RPRD2: variants seen among roughly 807,000 people sequenced by gnomAD.
The protein encoded by RPRD2 is regulation of nuclear pre-mRNA domain containing 2.
In RPRD2, 12 loss-of-function variants were observed where a neutral mutation model predicts 104.4. The ratio of observed to expected loss-of-function variants is 0.11; its 90% confidence interval spans 0.07 to 0.19. RPRD2 has a LOEUF of 0.19. Among genes scored for constraint, RPRD2 ranks in the 10% least tolerant of loss-of-function variants. The pLI, the probability that RPRD2 is intolerant of heterozygous loss-of-function variation, is 1.00. For synonymous variants in RPRD2, 714 were observed against 684.9 expected (o/e 1.04, Z -0.66); for missense variants, 1,543 against 1,790.1 (o/e 0.86, Z 2.49).
In RPRD2 at chr1:150,470,642, C is replaced by T. The variant is rs767748023; in HGVS notation, c.1694C>T (p.Pro565Leu). ...GCCTCACAGAGCACTTCAGCCTCCC[C>T]TGCCAACACCACAGTCTCTACCATA... ...EAASQSTSAS[P>L]ANTTVSTIKG... The change falls in exon 11 of 11, where the codon CCT (proline) becomes CTT (leucine). Residue 565 changes from proline (P) to leucine (L), a missense_variant. Around this residue, in one of 4 missense-constraint regions of RPRD2, gnomAD observed 572 missense variants for 787.3 expected, o/e 0.73. Transcript: ENST00000369068. 1 of 1,614,026 alleles carries T rather than the reference C, an allele frequency of 6.2e-7. No homozygotes were observed. Among genetic ancestry groups the T allele is most frequent in the East Asian group, 2.2e-5 (1 of 44,890 alleles).
At chr1:150,402,736 G>C (rs1451033274) in intron 1 of RPRD2, among the ~76,000 whole-genome samples, 4 of 152,126 alleles carry the variant, frequency 2.6e-5, no homozygotes, top group African/African-American at 9.7e-5. Context: ...GGAGGCCGAG[G>C]TGGGCAGATC....
At chr1:150,382,035 A>C (rs1180001130) in intron 1 of RPRD2, among the ~76,000 whole-genome samples, 1 of 152,210 alleles carries the variant, frequency 6.6e-6, no homozygotes, top group Admixed American at 6.5e-5. Flanking sequence ...ACTACCTGAC[A>C]TTTAGAAAAT....
At position 150,471,491 on chromosome 1, in the gene RPRD2, A is replaced by C. The variant is rs1201659862; in HGVS notation, c.2543A>C (p.Asn848Thr). 2 of 1,613,718 alleles carry C rather than the reference A, an allele frequency of 1.2e-6. No homozygotes were observed. The highest frequency in any genetic ancestry group is 1.3e-5 in the African/African-American group (1 of 74,868). The change falls in exon 11 of 11, where the codon AAC becomes ACC. Residue 848 changes from asparagine to threonine, a missense_variant. This residue lies in a region of RPRD2 where 880 missense variants were observed against 885.6 expected (regional missense o/e 0.99). Transcript: ENST00000369068. The surrounding 1 kb of genome is among the most constrained non-coding windows in gnomAD (Gnocchi z 5.3). ...GGGCCTCCACCCTCTGCCATGATGAACCTAGAGAAGAAACCAGCCAAATCT... is the reference window on the plus strand; with the variant it reads ...GGGCCTCCACCCTCTGCCATGATGACCCTAGAGAAGAAACCAGCCAAATCT... Reference protein sequence around the residue: ...YSGPPPSAMMNLEKKPAKSIL... With the variant: ...YSGPPPSAMMTLEKKPAKSIL...
At chr1:150,432,360 A>C (rs1665661546) in intron 2 of RPRD2, among the ~76,000 whole-genome samples, 1 of 152,070 alleles carries the variant, frequency 6.6e-6, no homozygotes. Flanking sequence ...AAAAAGAGAT[A>C]AGGGGGAGTT....
intron 9 of RPRD2, among the ~76,000 whole-genome samples, chr1:150,461,399 C>G (rs1553898800): frequency 6.6e-6 from 1 of 152,126 alleles, no homozygotes; most frequent in Non-Finnish European, 1.5e-5. Flanking sequence ...TATACTGTTT[C>G]AAAACTAGCT....
chr1:150,470,470 A>T, intron 10 of RPRD2, 91 bp from the exon 11 acceptor site: 1 of 1,350,686 alleles, frequency 7.4e-7, no homozygotes, highest in Non-Finnish European at 1.0e-6. Flanking sequence ...GTTCCCACCA[A>T]AATGAATGAG....
intron 1 of RPRD2, among the ~76,000 whole-genome samples, chr1:150,384,683 T>TGTGTGTGTG (rs1560155301): frequency 4.4e-3 from 518 of 117,974 alleles, no homozygotes; most frequent in East Asian, 5.3e-3. Flanking sequence ...GTGTGTGTGT[T>TGTGTGTGTG]TTTAGTAGAG....
chr1:150,378,501 G>A (rs1454491277), intron 1 of RPRD2, among the ~76,000 whole-genome samples: 3 of 152,108 alleles, frequency 2.0e-5, no homozygotes, highest in South Asian at 2.1e-4. Flanking sequence ...TCCATGGACA[G>A]TGTGGTATAT....
intron 1 of RPRD2, among the ~76,000 whole-genome samples, chr1:150,413,209 T>G (rs1344593473): frequency 6.6e-6 from 1 of 152,044 alleles, no homozygotes; most frequent in Non-Finnish European, 1.5e-5. Context: ...GTTTGGAGAT[T>G]TATTAATAGG....
rs1416765118 is a variant in RPRD2 at position 150,364,649 on chromosome 1, C to T, written c.-66C>T. On this transcript the variant is annotated 5_prime_UTR_variant, in exon 1 of 11. Coordinates refer to ENST00000369068, the MANE Select transcript of RPRD2 (RefSeq NM_015203.5). ...TCACGCACTCGCAGTGATTGTTTTG[C>T]CCGCTCCCGCCGCCGCCGCCGCCGC... 7.1e-6 allele frequency: 6 copies of T among 839,774 alleles called. No individual in the cohort carries two copies. Among genetic ancestry groups the T allele is most frequent in the Non-Finnish European group, 1.1e-5 (6 of 538,220 alleles). 52.0% of individuals were successfully genotyped at this position (839,774 alleles called of 1,614,324 possible). A position where few individuals can be genotyped will look rare whatever the true frequency, so the allele number is the denominator to read the frequency against.
At chr1:150,457,212 A>T in intron 7 of RPRD2, 76 bp from the exon 8 acceptor site, 1 of 1,414,134 alleles carries the variant, frequency 7.1e-7, no homozygotes, top group Non-Finnish European at 9.6e-7. Flanking sequence ...TGACAAAGTG[A>T]GACTCTGCCT....
In RPRD2 at chr1:150,397,023, G is replaced by T. The variant is rs1560167435; in HGVS notation, c.206-20573G>T. 2.0e-5 allele frequency among the ~76,000 whole-genome samples: 3 copies of T among 151,870 alleles called. No homozygotes were observed. The South Asian group carries it at 6.3e-4, about 32-fold the overall frequency. ...GAGTCTTGCTCTGTCGCCCAGGCTG[G>T]AGTGCAGTGGCATGATCTCAGTTCA... On this transcript the variant is annotated intron_variant, in intron 1 of 10. Coordinates refer to ENST00000369068, the MANE Select transcript of RPRD2 (RefSeq NM_015203.5).
chr1:150,461,395 G>A (rs1164558880), intron 9 of RPRD2, among the ~76,000 whole-genome samples: 2 of 152,178 alleles, frequency 1.3e-5, no homozygotes, highest in Non-Finnish European at 2.9e-5. Flanking sequence ...TGCATATACT[G>A]TTTCAAAACT....
chr1:150,474,353 GTCTTTA>G lies in RPRD2; in HGVS notation c.*1024_*1029del, dbSNP rs1668784182. On this transcript the variant is annotated 3_prime_UTR_variant, in exon 11 of 11. Transcript: ENST00000369068. ...TTAACTATTAAAGAAAGAAATATTT[GTCTTTA>G]TCTTCCTTTTCCCCTTGCCTCAGTC... 1 of 152,100 alleles carries G rather than the reference GTCTTTA, an allele frequency of 6.6e-6. No individual in the cohort carries two copies. Among genetic ancestry groups the G allele is most frequent in the Admixed American group, 6.6e-5 (1 of 15,262 alleles). The allele number at this position is 152,100 out of a possible 1,614,324, so 9.4% of individuals were successfully genotyped here. A position where few individuals can be genotyped will look rare whatever the true frequency, so the allele number is the denominator to read the frequency against.
rs1668644924 is a variant in RPRD2, at chr1:150,472,385, C to G, written c.3437C>G (p.Ser1146Cys). ...TTTGACAATGGCCCTTCAAGTGCCT[C>G]TGAGTTGGCATCCCTTGGGGGTGGG... ...SSFDNGPSSASELASLGGGGS... is the reference protein window; with the variant it reads ...SSFDNGPSSACELASLGGGGS... Residue 1146 changes from serine to cysteine, a missense_variant, in exon 11 of 11, where the codon TCT (serine) becomes TGT (cysteine). Coordinates refer to ENST00000369068, the MANE Select transcript of RPRD2 (RefSeq NM_015203.5). 4.3e-6 allele frequency: 7 copies of G among 1,613,996 alleles called. No individual in the cohort carries two copies. The East Asian group carries it at 1.6e-4, about 36-fold the overall frequency.
chr1:150,388,651 G>C (rs1661828064), intron 1 of RPRD2, among the ~76,000 whole-genome samples: 1 of 144,568 alleles, frequency 6.9e-6, no homozygotes, highest in Non-Finnish European at 1.5e-5. Flanking sequence ...GTCTCACTCT[G>C]TCGCCCAGGC....
chr1:150,372,391 G>T (rs1553878561), intron 1 of RPRD2, among the ~76,000 whole-genome samples: 1 of 152,066 alleles, frequency 6.6e-6, no homozygotes, highest in African/African-American at 2.4e-5. Flanking sequence ...TTGGGAGGCT[G>T]AGGCAGGAGA....
At chr1:150,398,423 C>T (rs1186491414) in intron 1 of RPRD2, among the ~76,000 whole-genome samples, 1 of 152,028 alleles carries the variant, frequency 6.6e-6, no homozygotes, top group Non-Finnish European at 1.5e-5. Flanking sequence ...GTCTCGATCT[C>T]CTGACCTCGT....
chr1:150,393,994 G>A (rs144931829), intron 1 of RPRD2, among the ~76,000 whole-genome samples: 6 of 151,976 alleles, frequency 3.9e-5, no homozygotes, highest in Non-Finnish European at 7.4e-5. Context: ...TTGATGATGC[G>A]CTTTATATCG....
Sources: allele counts gnomAD v4.1 joint callset (sites outside exome capture counted in the v4.1 genomes callset), GRCh38; gene constraint gnomAD v4.1.1; regional missense constraint gnomAD v4.1.1; non-coding constraint Gnocchi (gnomAD v3.1); transcripts MANE v1.5; gene names NCBI Gene and HGNC (gene_info 2026-07-23, HGNC 2026-07-21).